The following DAB1 variants were observed in gnomAD, a reference collection of about 807,000 sequenced individuals.
DAB1 encodes the protein DAB adaptor protein 1, also known as disabled homolog 1.
In DAB1, 15 loss-of-function variants were observed where a neutral mutation model predicts 64.6. That is an observed-to-expected ratio of 0.23 (90% CI 0.16 to 0.36). The LOEUF (loss-of-function observed/expected upper bound fraction) is 0.36, where lower values mean the gene tolerates loss of function less well. Among genes scored for constraint, DAB1 ranks in the 10% least tolerant of loss-of-function variants. The pLI is 1.00. For missense variants in DAB1, 596 were observed against 706.7 expected, an observed-to-expected ratio of 0.84 and a Z score of 1.78; for synonymous variants, 235 against 251.9, an observed-to-expected ratio of 0.93 and a Z score of 0.64.
intron 5 of DAB1, among the ~76,000 whole-genome samples, chr1:58,128,013 G>T (rs945022394): frequency 1.1e-4 from 16 of 151,866 alleles, no homozygotes; most frequent in African/African-American, 3.4e-4. Flanking sequence ...TTGGTAGCTT[G>T]ATGGGGATGG....
At chr1:57,187,199 CT>C (rs1663653038) in intron 2 of DAB1, among the ~76,000 whole-genome samples, 2 of 152,102 alleles carry the variant, frequency 1.3e-5, no homozygotes, top group African/African-American at 4.8e-5. Flanking sequence ...GTGTTGTTGT[CT>C]TTTTTTCCTT....
At chr1:57,031,477 C>T (rs1002056515) in intron 9 of DAB1, among the ~76,000 whole-genome samples, 9 of 152,282 alleles carry the variant, frequency 5.9e-5, no homozygotes, top group Middle Eastern at 3.4e-3. Flanking sequence ...ACATTATCAT[C>T]GTGTTTGATA....
chr1:57,893,542 A>G (rs1441409804), intron 5 of DAB1, among the ~76,000 whole-genome samples: 1 of 152,192 alleles, frequency 6.6e-6, no homozygotes, highest in Non-Finnish European at 1.5e-5. Context: ...CATACAGTCT[A>G]TCAAGAAAGG....
intron 5 of DAB1, among the ~76,000 whole-genome samples, chr1:57,896,497 A>G (rs1000347032): frequency 1.3e-5 from 2 of 152,166 alleles, no homozygotes; most frequent in Non-Finnish European, 2.9e-5. Context: ...TTGCCAGTTA[A>G]CAAAAAACAC....
intron 9 of DAB1, chr1:57,033,720 G>T: frequency 1.3e-6 from 1 of 765,850 alleles, no homozygotes; most frequent in Non-Finnish European, 2.3e-6. Context: ...TGAAAATCTT[G>T]GAATATGTTT....
rs575460202 is a variant in DAB1 at position 57,041,272 on chromosome 1, A to G, written c.724-15229T>C. Among the ~76,000 whole-genome samples, 4 of 152,346 alleles carry G rather than the reference A, an allele frequency of 2.6e-5. No individual in the cohort carries two copies. The South Asian group carries it at 8.3e-4, about 32-fold the overall frequency. On this transcript the variant is annotated intron_variant, in intron 9 of 14. Coordinates refer to ENST00000371236, the MANE Select transcript of DAB1 (RefSeq NM_001365792.1). ...TTTGATTATCAAGGCATTAATTTAA[A>G]TAAGGAATAAACATTTCCCGAATGC...
At chr1:57,396,138 C>A (rs553597822) in intron 1 of DAB1, among the ~76,000 whole-genome samples, 1 of 152,186 alleles carries the variant, frequency 6.6e-6, no homozygotes, top group Non-Finnish European at 1.5e-5. Context: ...AAAATGCCAG[C>A]GCACTTCAGT....
chr1:57,644,832 G>A (rs1477739620), intron 7 of DAB1, among the ~76,000 whole-genome samples: 1 of 152,134 alleles, frequency 6.6e-6, no homozygotes, highest in East Asian at 1.9e-4. Flanking sequence ...AAGGGAAAAT[G>A]GATTTTAAAG....
intron 9 of DAB1, among the ~76,000 whole-genome samples, chr1:57,028,958 T>A (rs1359658576): frequency 2.0e-5 from 3 of 152,238 alleles, no homozygotes; most frequent in Admixed American, 6.5e-5. Flanking sequence ...TCAAGCCAGC[T>A]GCAGAAATTT....
At chr1:58,281,533 C>T (rs369135784) in intron 4 of DAB1, among the ~76,000 whole-genome samples, 1 of 152,076 alleles carries the variant, frequency 6.6e-6, no homozygotes, top group Non-Finnish European at 1.5e-5. Flanking sequence ...CTCCACTCCC[C>T]CTCCCTCCAA....
At chr1:58,479,369 A>G (rs1265973687) in intron 3 of DAB1, among the ~76,000 whole-genome samples, 1 of 152,226 alleles carries the variant, frequency 6.6e-6, no homozygotes, top group East Asian at 1.9e-4. Context: ...GCAGATCAGG[A>G]AATTCCTTAC....
intron 7 of DAB1, among the ~76,000 whole-genome samples, chr1:57,565,382 C>A (rs574808183): frequency 2.0e-5 from 3 of 152,248 alleles, no homozygotes; most frequent in African/African-American, 7.2e-5. Context: ...GCAAAATAAC[C>A]AGCTAACATC....
chr1:57,041,717 T>C (rs181200847), intron 9 of DAB1, among the ~76,000 whole-genome samples: 21 of 152,340 alleles, frequency 1.4e-4, no homozygotes, highest in Admixed American at 6.5e-4. Context: ...TTGGATCTTC[T>C]ATTAAGTCAA....
At chr1:57,553,471 A>G (rs12731567) in intron 7 of DAB1, among the ~76,000 whole-genome samples, 2 of 100,144 alleles carry the variant, frequency 2.0e-5, no homozygotes, top group African/African-American at 3.6e-5. Context: ...AGAAAGGGAA[A>G]GAAAGGAAGG....
chr1:57,845,614 T>C (rs780783714), intron 1 of DAB1, among the ~76,000 whole-genome samples: 3 of 152,164 alleles, frequency 2.0e-5, no homozygotes, highest in Non-Finnish European at 4.4e-5. Context: ...TAAGCTTCCT[T>C]ATACATTAAA....
chr1:57,591,459 A>G (rs1055405665), intron 7 of DAB1, among the ~76,000 whole-genome samples: 48 of 152,328 alleles, frequency 3.2e-4, no homozygotes, highest in African/African-American at 1.2e-3. Context: ...AGGTGTGGTA[A>G]TACCCAAATC....
At chr1:57,561,322 T>TC (rs1204421326) in intron 7 of DAB1, among the ~76,000 whole-genome samples, 2 of 152,178 alleles carry the variant, frequency 1.3e-5, no homozygotes, top group Non-Finnish European at 2.9e-5. Context: ...TGAAGGGCAA[T>TC]CTTCCCAGTG....
intron 3 of DAB1, among the ~76,000 whole-genome samples, chr1:58,409,792 C>G (rs1380705356): frequency 6.6e-6 from 1 of 152,178 alleles, no homozygotes; most frequent in Non-Finnish European, 1.5e-5. Flanking sequence ...GGACACTGAG[C>G]ACTGGCTAGG....
intron 5 of DAB1, among the ~76,000 whole-genome samples, chr1:58,049,684 C>G (rs760299121): frequency 6.6e-6 from 1 of 152,108 alleles, no homozygotes; most frequent in African/African-American, 2.4e-5. Flanking sequence ...GAAATTTAGT[C>G]TCTTTAGATT....
Sources: gnomAD v4.1 joint callset for allele counts (sites outside exome capture counted in the v4.1 genomes callset) on GRCh38, gnomAD v4.1.1 for gene constraint, MANE v1.5 for transcripts, NCBI Gene and HGNC (gene_info 2026-07-23, HGNC 2026-07-21) for gene names.